WDR53: variants seen among roughly 807,000 people sequenced by gnomAD.
WDR53 encodes the protein WD repeat-containing protein 53.
A neutral mutation model predicts 21.3 loss-of-function variants in WDR53; 19 were observed. The observed-to-expected ratio is 0.89, with a 90% CI of 0.62 to 1.31. The LOEUF is 1.31. Among genes scored for constraint, WDR53 ranks in the 50% most tolerant of loss-of-function variants. The probability of loss-of-function intolerance (pLI) is 0.00; values close to 1 mark genes in which losing one functional copy is unlikely to be tolerated. For missense variants in WDR53, 374 were observed against 423.2 expected, an observed-to-expected ratio of 0.88 and a Z score of 1.02; for synonymous variants, 157 against 163.4, an observed-to-expected ratio of 0.96 and a Z score of 0.30.
chr3:196,564,887 T>C (rs185825064), intron 2 of WDR53, among the ~76,000 whole-genome samples: 4 of 152,316 alleles, frequency 2.6e-5, no homozygotes, highest in Admixed American at 2.0e-4. Context: ...ATTACAAATC[T>C]ACCCACAGGA....
At chr3:196,564,572 AG>A (rs1735204308) in intron 2 of WDR53, among the ~76,000 whole-genome samples, 1 of 151,314 alleles carries the variant, frequency 6.6e-6, no homozygotes, top group Non-Finnish European at 1.5e-5. Context: ...CACATTCCCC[AG>A]GCTGTTCTTG....
At position 196,554,207 on chromosome 3, in the gene WDR53, G is replaced by T; in HGVS notation, c.*4C>A. ...CCACAATTCTTCAAATGTTTTTATT[G>T]GATTTAAAATTCATTTAAGGGGTAT... On this transcript the variant is annotated 3_prime_UTR_variant, in exon 4 of 4. Coordinates refer to ENST00000332629, the MANE Select transcript of WDR53 (RefSeq NM_182627.3). 6.6e-7 allele frequency: 1 copy of T among 1,520,072 alleles called. No individual in the cohort carries two copies. Among genetic ancestry groups the T allele is most frequent in the Non-Finnish European group, 8.9e-7 (1 of 1,123,564 alleles). The allele number at this position is 1,520,072 out of a possible 1,614,324, so 94.2% of individuals were successfully genotyped here.
intron 1 of WDR53, among the ~76,000 whole-genome samples, chr3:196,568,247 A>G (rs1353451399): frequency 6.6e-6 from 1 of 152,108 alleles, no homozygotes; most frequent in East Asian, 1.9e-4. Flanking sequence ...CTTAGGGAGA[A>G]CGAGAGGGCC....
intron 3 of WDR53, among the ~76,000 whole-genome samples, chr3:196,560,158 G>C (rs985645687): frequency 6.6e-6 from 1 of 151,950 alleles, no homozygotes; most frequent in African/African-American, 2.4e-5. Context: ...AACACCTCCA[G>C]TTCTCTACAT....
chr3:196,567,405 G>A (rs1735513090), intron 1 of WDR53, 98 bp from the exon 2 acceptor site: 1 of 355,644 alleles, frequency 2.8e-6, no homozygotes, highest in African/African-American at 2.1e-5. Flanking sequence ...GAATCAGAGG[G>A]TAGGGAAGGT....
At chr3:196,567,652 T>C (rs1177934002) in intron 1 of WDR53, among the ~76,000 whole-genome samples, 2 of 152,128 alleles carry the variant, frequency 1.3e-5, no homozygotes, top group Non-Finnish European at 2.9e-5. Flanking sequence ...GCTCAAATGA[T>C]GGTTATTATT....
chr3:196,561,122 G>C lies in WDR53; in HGVS notation c.354C>G (p.Ile118Met), dbSNP rs1389276629. Residue 118 changes from isoleucine (I) to methionine (M), a missense_variant, in exon 3 of 4, where the codon ATC becomes ATG. Coordinates refer to ENST00000332629, the MANE Select transcript of WDR53 (RefSeq NM_182627.3). ...LLASADDSGA[I>M]KILDLENKKV... ...TCTTGTTTTCCAAGTCTAGGATTTT[G>C]ATTGCCCCAGAGTCGTCAGCAGAAG... 1 of 1,614,188 alleles carries C rather than the reference G, an allele frequency of 6.2e-7. No individual in the cohort carries two copies. Among genetic ancestry groups the C allele is most frequent in the East Asian group, 2.2e-5 (1 of 44,888 alleles).
intron 3 of WDR53, among the ~76,000 whole-genome samples, chr3:196,558,344 C>T (rs968442935): frequency 1.3e-5 from 2 of 151,948 alleles, no homozygotes; most frequent in African/African-American, 4.8e-5. Context: ...GTAGCTGGGA[C>T]CACAGGTGGA....
At chr3:196,557,364 G>C (rs1734420683) in intron 3 of WDR53, among the ~76,000 whole-genome samples, 1 of 152,138 alleles carries the variant, frequency 6.6e-6, no homozygotes, top group Non-Finnish European at 1.5e-5. Flanking sequence ...AACACAGGGA[G>C]CCAGCCCTCC....
In WDR53 at chr3:196,554,723, G is replaced by A; in HGVS notation, c.565C>T (p.Gln189Ter). ...GGGTTTAAGAGCTGACCAGGTGACT[G>A]TGGGCCTTCCATTTCTTCTGTTTCA... ...EDETEEMEGP[Q>*]SPGQLLNPAL... is the part of the protein sequence containing the mutation. Residue 189 changes from glutamine (Q) to a stop codon, truncating the protein, a stop_gained, in exon 4 of 4, where the codon CAG becomes TAG. Coordinates refer to ENST00000332629, the MANE Select transcript of WDR53 (RefSeq NM_182627.3). LOFTEE classifies it high-confidence loss of function. 6.2e-7 allele frequency: 1 copy of A among 1,614,190 alleles called. No homozygotes were observed. The highest frequency in any genetic ancestry group is 8.5e-7 in the Non-Finnish European group (1 of 1,180,030).
At chr3:196,555,815 T>G (rs1734267642) in intron 3 of WDR53, among the ~76,000 whole-genome samples, 1 of 152,286 alleles carries the variant, frequency 6.6e-6, no homozygotes, top group Admixed American at 6.5e-5. Flanking sequence ...CAAGGTAACT[T>G]CCCTTATGAT....
At position 196,554,228 on chromosome 3, in the gene WDR53, G is replaced by A. The variant is rs1734097375; in HGVS notation, c.1060C>T (p.Pro354Ser). 6.2e-7 allele frequency: 1 copy of A among 1,602,318 alleles called. No individual in the cohort carries two copies. The highest frequency in any genetic ancestry group is 1.3e-5 in the African/African-American group (1 of 74,480). Reference sequence around the variant, plus strand: ...TATTGGATTTAAAATTCATTTAAGGGGTATACAGATATACAACTAGTTTGA... The same window carrying A: ...TATTGGATTTAAAATTCATTTAAGGAGTATACAGATATACAACTAGTTTGA... ...ADQTSCISVYPLNEF is the reference protein window; with the variant it reads ...ADQTSCISVYSLNEF Residue 354 changes from proline to serine, a missense_variant, in exon 4 of 4, where the codon CCC becomes TCC. Coordinates refer to ENST00000332629, the MANE Select transcript of WDR53 (RefSeq NM_182627.3).
intron 2 of WDR53, 131 bp downstream of exon 2, chr3:196,566,746 G>C (rs1735438185): frequency 6.5e-6 from 1 of 153,464 alleles, no homozygotes; most frequent in South Asian, 2.0e-4. Context: ...AAGTGCCACA[G>C]CCGGCAGTTC....
chr3:196,561,512 C>A, intron 2 of WDR53, 21 bp from the exon 3 acceptor site: 1 of 1,569,068 alleles, frequency 6.4e-7, no homozygotes, highest in Non-Finnish European at 8.6e-7. Flanking sequence ...GGGGAAACAA[C>A]TGTAATCTCA....
intron 2 of WDR53, among the ~76,000 whole-genome samples, chr3:196,563,313 C>T (rs1423035188): frequency 6.6e-6 from 1 of 152,138 alleles, no homozygotes; most frequent in Non-Finnish European, 1.5e-5. Flanking sequence ...CTGCCGTGCC[C>T]GCCTGCTGGT....
At position 196,554,682 on chromosome 3, in the gene WDR53, A is replaced by T. The variant is rs1323484612; in HGVS notation, c.606T>A (p.Ser202=). ...GQLLNPALAH[S]ISVASCGNIF... ...TATTACCACACGAAGCCACAGAGAT[A>T]GAATGGGCTAGGGCAGGGTTTAAGA... The change falls in exon 4 of 4, where the codon TCT becomes TCA. Residue 202 remains serine (S), a synonymous_variant. Transcript: ENST00000332629. The T allele has an allele frequency of 6.2e-7, 1 of 1,614,198 alleles. No homozygotes were observed.
chr3:196,560,888 T>C lies in WDR53; in HGVS notation c.480+108A>G, dbSNP rs1370728985. On this transcript the variant is annotated intron_variant, in intron 3 of 3. Coordinates refer to ENST00000332629, the MANE Select transcript of WDR53 (RefSeq NM_182627.3). ...AAGGCTTATTGTTCATAAATGGATA[T>C]GTTAGTAGAAAACAGAAAAAGCAAA... is the stretch of plus-strand genomic sequence containing the variant. 3.7e-6 allele frequency: 5 copies of C among 1,361,446 alleles called. No individual in the cohort carries two copies. The African/African-American group carries it at 4.4e-5, about 12-fold the overall frequency. 84.3% of individuals were successfully genotyped at this position (1,361,446 alleles called of 1,614,324 possible). A position where few individuals can be genotyped will look rare whatever the true frequency, so the allele number is the denominator to read the frequency against.
chr3:196,561,139 C>G lies in WDR53; in HGVS notation c.337G>C (p.Asp113His). 6.2e-7 allele frequency: 1 copy of G among 1,614,206 alleles called. No homozygotes were observed. Among genetic ancestry groups the G allele is most frequent in the Non-Finnish European group, 8.5e-7 (1 of 1,180,048 alleles). The change falls in exon 3 of 4, where the codon GAC (aspartate) becomes CAC (histidine). Residue 113 changes from aspartate to histidine, a missense_variant. Coordinates refer to ENST00000332629, the MANE Select transcript of WDR53 (RefSeq NM_182627.3). ...AGGATTTTGATTGCCCCAGAGTCGT[C>G]AGCAGAAGCCAGCAGGTTTTCCGTT... ...NQTENLLASA[D>H]DSGAIKILDL...
chr3:196,555,006 C>T lies in WDR53; in HGVS notation c.481-199G>A, dbSNP rs549491320. Among the ~76,000 whole-genome samples, 93 of 51,504 alleles carry T rather than the reference C, an allele frequency of 1.8e-3. 1 individual carries two copies. Among genetic ancestry groups the T allele is most frequent in the Admixed American group, 5.3e-3 (24 of 4,530 alleles). 33.8% of individuals were successfully genotyped at this position (51,504 alleles called of 152,430 possible). Reference sequence around the variant, plus strand: ...CTACCCCGGGACTAAAACTAGAGTGCGGTTAGGTAGAATTAAACAAGATCC... The same window carrying T: ...CTACCCCGGGACTAAAACTAGAGTGTGGTTAGGTAGAATTAAACAAGATCC... On this transcript the variant is annotated intron_variant, in intron 3 of 3. Transcript: ENST00000332629.
Sources: allele counts gnomAD v4.1 joint callset (sites outside exome capture counted in the v4.1 genomes callset), GRCh38; gene constraint gnomAD v4.1.1; transcripts MANE v1.5; gene names NCBI Gene and HGNC (gene_info 2026-07-23, HGNC 2026-07-21).